The following TTYH3 variants were observed in gnomAD, a reference collection of about 807,000 sequenced individuals.
The protein encoded by TTYH3 is protein tweety homolog 3.
A neutral mutation model predicts 68.2 loss-of-function variants in TTYH3; 23 were observed. The ratio of observed to expected loss-of-function variants is 0.34; its 90% CI spans 0.24 to 0.48. The LOEUF is 0.48. Ranked by LOEUF, TTYH3 falls within the 20% of genes least tolerant of loss-of-function variation. The pLI is 0.99. For missense variants in TTYH3, 768 were observed against 727.7 expected, an observed-to-expected ratio of 1.06 and a Z score of -0.64; for synonymous variants, 360 against 332.8, an observed-to-expected ratio of 1.08 and a Z score of -0.89.
intron 12 of TTYH3, 50 bp from the exon 13 acceptor site, chr7:2,658,890 G>A (rs1392230795): frequency 6.3e-7 from 1 of 1,579,780 alleles, no homozygotes; most frequent in East Asian, 2.2e-5. Flanking sequence ...CCTGCAGCTG[G>A]GACTGCATGG....
chr7:2,635,589 T>C (rs1031046879), intron 1 of TTYH3, among the ~76,000 whole-genome samples: 4 of 152,296 alleles, frequency 2.6e-5, no homozygotes, highest in African/African-American at 9.6e-5. Context: ...GAAGGCTTCC[T>C]GCAGGAGGTG....
intron 13 of TTYH3, chr7:2,660,644 C>T (rs1014476605): frequency 8.7e-5 from 72 of 823,770 alleles, no homozygotes; most frequent in South Asian, 5.5e-4. Context: ...CCCCCCACCC[C>T]CTCCGTGGCG....
intron 1 of TTYH3, 110 bp downstream of exon 1, chr7:2,632,388 C>A (rs563908699): frequency 7.6e-6 from 9 of 1,179,502 alleles, no homozygotes; most frequent in East Asian, 6.0e-5. Flanking sequence ...CTCATCCCCC[C>A]CTCCAGGGTC....
chr7:2,641,683 C>T (rs981261331), intron 1 of TTYH3, among the ~76,000 whole-genome samples: 4 of 152,238 alleles, frequency 2.6e-5, no homozygotes, highest in South Asian at 2.1e-4. Flanking sequence ...GCCGCCAGCC[C>T]GGTGGAGAGA....
intron 1 of TTYH3, among the ~76,000 whole-genome samples, chr7:2,635,057 G>T (rs900719235): frequency 6.6e-5 from 10 of 152,170 alleles, no homozygotes; most frequent in Non-Finnish European, 1.5e-4. Context: ...GTCGAGAGGG[G>T]CTCCCGTGCT....
Position 2,656,402 on chromosome 7 carries a change from A to G in TTYH3, c.1118A>G (p.Tyr373Cys). 6.2e-7 allele frequency: 1 copy of G among 1,609,440 alleles called. No homozygotes were observed. The highest frequency in any genetic ancestry group is 1.1e-5 in the South Asian group (1 of 90,884). Reference protein sequence around the residue: ...LVDCRSLHLDYVQALTGFCYD... With the variant: ...LVDCRSLHLDCVQALTGFCYD... ...CATCTCATCCCACGGCCTCAGGACTACGTGCAAGCGCTGACCGGCTTCTGC... is the reference window on the plus strand; with the variant it reads ...CATCTCATCCCACGGCCTCAGGACTGCGTGCAAGCGCTGACCGGCTTCTGC... Residue 373 changes from tyrosine (Y) to cysteine (C), a missense_variant, in exon 11 of 14, where the codon TAC (tyrosine) becomes TGC (cysteine). Physicochemically the swap from Tyr to Cys is radical, Grantham distance 194. Transcript: ENST00000258796.
chr7:2,648,924 C>T (rs561870929), intron 5 of TTYH3, among the ~76,000 whole-genome samples: 83 of 134,164 alleles, frequency 6.2e-4, no homozygotes, highest in African/African-American at 2.3e-3. Context: ...GTGTGGGGCC[C>T]GCAGTGGGGT....
intron 1 of TTYH3, among the ~76,000 whole-genome samples, chr7:2,640,287 G>A (rs576807014): frequency 4.7e-4 from 72 of 152,334 alleles, no homozygotes; most frequent in Admixed American, 2.8e-3. Context: ...CCAGCCACGC[G>A]CCACGGTAGC....
chr7:2,634,545 C>A (rs1785608296), intron 1 of TTYH3, among the ~76,000 whole-genome samples: 1 of 150,346 alleles, frequency 6.7e-6, no homozygotes, highest in African/African-American at 2.5e-5. Context: ...GGGCATCTGC[C>A]CCGTGGTTAT....
intron 13 of TTYH3, among the ~76,000 whole-genome samples, chr7:2,660,751 G>T (rs1177107865): frequency 6.6e-6 from 1 of 152,160 alleles, no homozygotes; most frequent in Non-Finnish European, 1.5e-5. Context: ...ATGGGGATGG[G>T]CCTGGGGCCC....
intron 3 of TTYH3, 38 bp from the exon 4 acceptor site, chr7:2,647,380 G>A (rs1786025670): frequency 6.8e-7 from 1 of 1,463,866 alleles, no homozygotes; most frequent in African/African-American, 1.4e-5. Context: ...GGGCGAGGCG[G>A]GCGCGCTCCC....
intron 1 of TTYH3, among the ~76,000 whole-genome samples, 153 bp from the exon 2 acceptor site, chr7:2,646,700 C>T (rs960659502): frequency 1.3e-5 from 2 of 152,174 alleles, no homozygotes; most frequent in Admixed American, 6.5e-5. Context: ...GTGGGAGACT[C>T]CATGCCTCAC....
intron 1 of TTYH3, among the ~76,000 whole-genome samples, chr7:2,639,667 G>A (rs1028575505): frequency 6.6e-6 from 1 of 152,232 alleles, no homozygotes; most frequent in East Asian, 1.9e-4. Context: ...GAAGCCGGGG[G>A]TGACTCTGTC....
At chr7:2,639,720 C>T (rs540637645) in intron 1 of TTYH3, among the ~76,000 whole-genome samples, 206 of 152,328 alleles carry the variant, frequency 1.4e-3, no homozygotes, top group Non-Finnish European at 1.6e-3. Context: ...TATTGTGTGT[C>T]TGTCACATGC....
intron 1 of TTYH3, among the ~76,000 whole-genome samples, chr7:2,643,636 C>T (rs571383503): frequency 1.1e-4 from 17 of 152,354 alleles, no homozygotes; most frequent in African/African-American, 4.1e-4. Flanking sequence ...GCTTGCCTCG[C>T]CCAGATCCTG....
At chr7:2,633,502 G>C (rs899642469) in intron 1 of TTYH3, among the ~76,000 whole-genome samples, 7 of 152,094 alleles carry the variant, frequency 4.6e-5, no homozygotes, top group African/African-American at 1.7e-4. Context: ...ATCGGCCCAG[G>C]CACGCCCAGA....
chr7:2,658,182 C>G (rs988631868), intron 11 of TTYH3, 104 bp from the exon 12 acceptor site: 3 of 1,243,158 alleles, frequency 2.4e-6, no homozygotes, highest in Middle Eastern at 2.9e-4. Context: ...CGAGCCAGAA[C>G]TGGAACCAGG....
At chr7:2,656,886 C>A (rs1208632732) in intron 11 of TTYH3, among the ~76,000 whole-genome samples, 1 of 152,252 alleles carries the variant, frequency 6.6e-6, no homozygotes, top group Non-Finnish European at 1.5e-5. Context: ...GCCTCCCAGG[C>A]AGGTGTCCCC....
chr7:2,654,011 G>A (rs1786264720), intron 9 of TTYH3, among the ~76,000 whole-genome samples: 3 of 151,740 alleles, frequency 2.0e-5, no homozygotes, highest in African/African-American at 7.3e-5. Flanking sequence ...GAGTGCGTCT[G>A]TGGGCACAAG....
Sources: gnomAD v4.1 joint callset for allele counts (sites outside exome capture counted in the v4.1 genomes callset) on GRCh38, gnomAD v4.1.1 for gene constraint, MANE v1.5 for transcripts, NCBI Gene and HGNC (gene_info 2026-07-23, HGNC 2026-07-21) for gene names.